The following FER variants were observed in gnomAD, a reference collection of about 807,000 sequenced individuals.
FER encodes the protein tyrosine-protein kinase Fer.
FER carries 63 observed loss-of-function variants against 111.0 expected under a neutral mutation model. The ratio of observed to expected loss-of-function variants is 0.57; its 90% CI spans 0.46 to 0.70. FER has a LOEUF of 0.70. FER is among the 30% of genes least tolerant of loss of function. FER has a pLI of 0.00. For synonymous variants in FER, 327 were observed against 313.9 expected (o/e 1.04, Z -0.44); for missense variants, 914 against 954.0 (o/e 0.96, Z 0.55).
chr5:109,077,908 T>C (rs374670489), intron 16 of FER, among the ~76,000 whole-genome samples: 4 of 152,346 alleles, frequency 2.6e-5, no homozygotes, highest in African/African-American at 9.6e-5. Context: ...TCATCTTATA[T>C]AGTACTTAAG....
chr5:109,101,852 C>A (rs986626734), intron 17 of FER, among the ~76,000 whole-genome samples: 1 of 152,062 alleles, frequency 6.6e-6, no homozygotes, highest in Admixed American at 6.6e-5. Flanking sequence ...ATTTTGGTTG[C>A]CGAGGTATTG....
chr5:109,100,281 TG>T, intron 16 of FER, 114 bp from the exon 17 acceptor site: 1 of 1,279,754 alleles, frequency 7.8e-7, no homozygotes, highest in Non-Finnish European at 1.1e-6. Flanking sequence ...GCAAAAAGCA[TG>T]GCCAAATGTG....
chr5:109,061,699 G>T (rs6883405), intron 16 of FER, among the ~76,000 whole-genome samples: 2,358 of 152,220 alleles, frequency 0.015, 49 homozygotes, highest in African/African-American at 0.054. Flanking sequence ...TCAGTAAACA[G>T]GAAAATTTCT....
At chr5:108,969,053 C>G (rs901187697) in intron 13 of FER, among the ~76,000 whole-genome samples, 1 of 152,040 alleles carries the variant, frequency 6.6e-6, no homozygotes, top group African/African-American at 2.4e-5. Context: ...TAAAAATGCT[C>G]TTTGATACTT....
chr5:109,124,376 C>T (rs994586999), intron 17 of FER, among the ~76,000 whole-genome samples: 1 of 152,164 alleles, frequency 6.6e-6, no homozygotes, highest in South Asian at 2.1e-4. Context: ...TGTGCTTAGA[C>T]TGTTGGTTCT....
chr5:108,752,124 T>G (rs1418674600), intron 1 of FER, among the ~76,000 whole-genome samples: 1 of 152,090 alleles, frequency 6.6e-6, no homozygotes, highest in African/African-American at 2.4e-5. Flanking sequence ...AGGAAACAAT[T>G]AGGTCACAGT....
At chr5:108,973,176 A>C (rs1191513040) in intron 13 of FER, among the ~76,000 whole-genome samples, 3 of 152,176 alleles carry the variant, frequency 2.0e-5, no homozygotes, top group African/African-American at 7.2e-5. Flanking sequence ...AAAAGTGAGA[A>C]TGATATACAA....
chr5:108,836,013 A>T (rs1484790107), intron 5 of FER: 1 of 291,198 alleles, frequency 3.4e-6, no homozygotes, highest in Admixed American at 5.3e-5. Context: ...ATTTTCGAAT[A>T]GTTCATACTA....
chr5:109,003,674 A>T (rs1382562814), intron 13 of FER, among the ~76,000 whole-genome samples: 1 of 152,002 alleles, frequency 6.6e-6, no homozygotes, highest in East Asian at 1.9e-4. Flanking sequence ...TCAAAAATTT[A>T]AATTTAAAAA....
chr5:108,926,190 A>G (rs535075714), intron 10 of FER, among the ~76,000 whole-genome samples: 14 of 150,870 alleles, frequency 9.3e-5, no homozygotes, highest in Admixed American at 7.2e-4. Context: ...AGAATCTTCA[A>G]TCTCTGATAT....
chr5:108,946,036 ATGGATAAGCTG>A, intron 10 of FER, 83 bp from the exon 11 acceptor site: 2 of 747,566 alleles, frequency 2.7e-6, no homozygotes, highest in East Asian at 5.1e-5. Context: ...GGAAGACATG[ATGGATAAGCTG>A]TGGATAAGTA....
chr5:109,133,372 G>A (rs1226772461), intron 17 of FER, among the ~76,000 whole-genome samples: 1 of 152,046 alleles, frequency 6.6e-6, no homozygotes, highest in Non-Finnish European at 1.5e-5. Context: ...GCAAAAACAA[G>A]TAAAGTAACA....
At chr5:108,948,409 A>G (rs543377939) in intron 11 of FER, among the ~76,000 whole-genome samples, 13 of 152,234 alleles carry the variant, frequency 8.5e-5, no homozygotes, top group African/African-American at 2.9e-4. Flanking sequence ...TATATCAGCT[A>G]CAAGCATGTG....
chr5:108,750,904 C>T (rs1432798857), intron 1 of FER, among the ~76,000 whole-genome samples: 1 of 152,134 alleles, frequency 6.6e-6, no homozygotes, highest in East Asian at 1.9e-4. Context: ...AAAAAACCAG[C>T]GTATGTGGCC....
rs1165401708 is a variant in FER, at chr5:108,879,699, A to ATAT, written c.924-3697_924-3696insTAT. On this transcript the variant is annotated intron_variant, in intron 8 of 19. Coordinates refer to ENST00000281092, the MANE Select transcript of FER (RefSeq NM_005246.4). ...ATATGTATTTTTTTTAGATTAAAAAAAAATATATATATATATATATATATA... is the reference window on the plus strand; with the variant it reads ...ATATGTATTTTTTTTAGATTAAAAAATATAAATATATATATATATATATATATA... 9.6e-4 allele frequency among the ~76,000 whole-genome samples: 90 copies of ATAT among 93,516 alleles called. 2 individuals carry two copies. Among genetic ancestry groups the ATAT allele is most frequent in the African/African-American group, 4.2e-3 (72 of 16,956 alleles). 61.4% of individuals were successfully genotyped at this position (93,516 alleles called of 152,430 possible). A position where few individuals can be genotyped will look rare whatever the true frequency, so the allele number is the denominator to read the frequency against.
At chr5:109,086,561 G>A (rs926594744) in intron 16 of FER, among the ~76,000 whole-genome samples, 11 of 150,406 alleles carry the variant, frequency 7.3e-5, no homozygotes, top group South Asian at 2.1e-4. Flanking sequence ...TCCTACTTTC[G>A]TTTAAATTTG....
At chr5:108,995,370 A>G (rs969442047) in intron 13 of FER, among the ~76,000 whole-genome samples, 1 of 151,960 alleles carries the variant, frequency 6.6e-6, no homozygotes, top group East Asian at 1.9e-4. Context: ...GCACCCATCA[A>G]CCTGTCATCT....
intron 2 of FER, among the ~76,000 whole-genome samples, chr5:108,793,532 T>C (rs1025162158): frequency 8.0e-6 from 1 of 124,808 alleles, no homozygotes; most frequent in Non-Finnish European, 1.7e-5. Flanking sequence ...GGGGGGTGGT[T>C]ATATACCCAG....
intron 16 of FER, among the ~76,000 whole-genome samples, chr5:109,070,520 C>G (rs1342154876): frequency 2.0e-5 from 3 of 151,910 alleles, no homozygotes; most frequent in Non-Finnish European, 4.4e-5. Context: ...AATAACATAA[C>G]AGTAGCTCCA....
Sources: gnomAD v4.1 joint callset for allele counts (sites outside exome capture counted in the v4.1 genomes callset) on GRCh38, gnomAD v4.1.1 for gene constraint, MANE v1.5 for transcripts, NCBI Gene and HGNC (gene_info 2026-07-23, HGNC 2026-07-21) for gene names.